The following CD6 variants were observed in gnomAD, a reference collection of about 807,000 sequenced individuals.
The protein encoded by CD6 is T-cell differentiation antigen CD6.
A neutral mutation model predicts 75.3 loss-of-function variants in CD6; 53 were observed. The ratio of observed to expected loss-of-function variants is 0.70; its 90% CI spans 0.56 to 0.88. The LOEUF (loss-of-function observed/expected upper bound fraction) is 0.88, where lower values mean the gene tolerates loss of function less well. Among genes scored for constraint, CD6 ranks in the 40% least tolerant of loss-of-function variants. The pLI, the probability that CD6 is intolerant of heterozygous loss-of-function variation, is 0.00. For synonymous variants in CD6, 359 were observed against 381.5 expected (o/e 0.94, Z 0.69); for missense variants, 770 against 897.1 (o/e 0.86, Z 1.81).
At chr11:60,989,063 G>A (rs772952035) in intron 1 of CD6, among the ~76,000 whole-genome samples, 19 of 152,180 alleles carry the variant, frequency 1.2e-4, no homozygotes, top group African/African-American at 3.6e-4. Context: ...GTGTTTGCTC[G>A]AGCTGTGCCC....
chr11:61,009,478 G>A (rs914463585), intron 4 of CD6, 94 bp from the exon 5 acceptor site: 7 of 1,125,082 alleles, frequency 6.2e-6, no homozygotes, highest in Non-Finnish European at 8.6e-6. Context: ...AGACCAAATG[G>A]CTGCATTGGT....
At chr11:61,015,650 C>A in intron 8 of CD6, 63 bp from the exon 9 acceptor site, 4 of 1,592,972 alleles carry the variant, frequency 2.5e-6, no homozygotes, top group Non-Finnish European at 3.4e-6. Context: ...CATACTCTAC[C>A]ATCCCTCCCT....
chr11:61,011,072 T>TC lies in CD6; in HGVS notation c.1090dup (p.Arg364ProfsTer64). 1.2e-6 allele frequency: 2 copies of TC among 1,614,042 alleles called. No homozygotes were observed. The highest frequency in any genetic ancestry group is 1.7e-6 in the Non-Finnish European group (2 of 1,179,958). Reference sequence around the variant, plus strand: ...GACTGGGCGGTGCTTTCTGACAGCTTCCCGGAGTTTGCACAATCTGTCCAC... The same window carrying TC: ...GACTGGGCGGTGCTTTCTGACAGCTTCCCCGGAGTTTGCACAATCTGTCCAC... On this transcript the variant is annotated frameshift_variant, in exon 6 of 13. Coordinates refer to ENST00000313421, the MANE Select transcript of CD6 (RefSeq NM_006725.5). LOFTEE classifies it high-confidence loss of function.
At chr11:61,016,825 G>C (rs1859426420) in intron 9 of CD6, 1 of 152,446 alleles carries the variant, frequency 6.6e-6, no homozygotes, top group Admixed American at 6.5e-5. Context: ...AGGGCTTCTG[G>C]GGGTGGGACA....
intron 1 of CD6, 106 bp from the exon 2 acceptor site, chr11:61,006,468 T>C: frequency 2.3e-6 from 2 of 888,562 alleles, no homozygotes; most frequent in Admixed American, 4.2e-5. Flanking sequence ...AAAGGCCTCA[T>C]GTAGCCACCA....
At chr11:61,018,101 C>T in intron 11 of CD6, 88 bp downstream of exon 11, 1 of 1,507,524 alleles carries the variant, frequency 6.6e-7, no homozygotes, top group South Asian at 1.2e-5. Context: ...AGGCTGAGGT[C>T]AGGATTCTAC....
At chr11:61,010,982 C>T (rs897708309) in intron 5 of CD6, 88 bp from the exon 6 acceptor site, 59 of 1,213,222 alleles carry the variant, frequency 4.9e-5, no homozygotes, top group Non-Finnish European at 5.6e-5. Flanking sequence ...GGTCACTTGT[C>T]TGTCCCATTC....
Position 61,017,546 on chromosome 11 carries a change from G to A in CD6, c.1578G>A (p.Glu526=), listed in dbSNP as rs1335469111. 5.1e-6 allele frequency: 8 copies of A among 1,556,472 alleles called. No individual in the cohort carries two copies. Among genetic ancestry groups the A allele is most frequent in the Non-Finnish European group, 7.0e-6 (8 of 1,149,620 alleles). The change falls in exon 10 of 13, where the codon GAG becomes GAA. Residue 526 remains glutamate (E), a synonymous_variant. Transcript: ENST00000313421. ...QQSRFQMPPL[E]EGLEELHASH... ...GCAGGTTCCAGATGCCACCCTTGGA[G>A]GAAGGTGAGTCAGGATGGGAAGGGG...
intron 1 of CD6, among the ~76,000 whole-genome samples, chr11:60,975,014 T>C (rs1857314620): frequency 6.6e-6 from 1 of 152,188 alleles, no homozygotes; most frequent in Non-Finnish European, 1.5e-5. Flanking sequence ...GGGCTGCCTT[T>C]GTGTATGAAA....
intron 2 of CD6, 116 bp downstream of exon 2, chr11:61,006,758 A>G: frequency 1.2e-6 from 1 of 808,540 alleles, no homozygotes; most frequent in Non-Finnish European, 2.1e-6. Flanking sequence ...GACTTCAGAC[A>G]ACACTTCTTC....
chr11:60,983,869 C>A (rs903279283), intron 1 of CD6, among the ~76,000 whole-genome samples: 3 of 152,160 alleles, frequency 2.0e-5, no homozygotes, highest in South Asian at 2.1e-4. Flanking sequence ...CTTTCTCTTT[C>A]ATGTCATTGA....
chr11:60,999,494 G>C (rs571945001), intron 1 of CD6, among the ~76,000 whole-genome samples: 1 of 151,666 alleles, frequency 6.6e-6, no homozygotes, highest in South Asian at 2.1e-4. Context: ...AACATGGCGG[G>C]GGGTGAGGAC....
chr11:60,984,794 G>T (rs1186026511), intron 1 of CD6, among the ~76,000 whole-genome samples: 1 of 152,234 alleles, frequency 6.6e-6, no homozygotes, highest in Non-Finnish European at 1.5e-5. Flanking sequence ...TCAGGGAGAG[G>T]ACATTCCCGT....
chr11:61,018,079 G>A (rs1405306702), intron 11 of CD6, 66 bp downstream of exon 11: 3 of 1,572,778 alleles, frequency 1.9e-6, no homozygotes, highest in Non-Finnish European at 2.6e-6. Flanking sequence ...ATAAAGCTGG[G>A]AGCCCTGAGT....
chr11:61,018,263 G>T, intron 11 of CD6, 26 bp from the exon 12 acceptor site: 1 of 1,549,494 alleles, frequency 6.5e-7, no homozygotes, highest in Non-Finnish European at 8.8e-7. Flanking sequence ...TGCTGGCAGA[G>T]GGTGACTGGT....
At chr11:61,013,874 AG>A (rs1859276050) in intron 7 of CD6, 44 bp from the exon 8 acceptor site, 1 of 1,394,068 alleles carries the variant, frequency 7.2e-7, no homozygotes, top group South Asian at 1.3e-5. Flanking sequence ...AGACTGGGAG[AG>A]GGCAAAAAAA....
At chr11:60,997,365 C>A (rs373433723) in intron 1 of CD6, among the ~76,000 whole-genome samples, 98 of 140,190 alleles carry the variant, frequency 7.0e-4, no homozygotes, top group African/African-American at 2.4e-3. Context: ...GGTGATAGGG[C>A]GAGACTCCGT....
In CD6 at chr11:61,019,924, C is replaced by T. The variant is rs1199088684; in HGVS notation, c.*606C>T. The T allele has an allele frequency of 5.1e-6, 2 of 389,078 alleles. No homozygotes were observed. The highest frequency in any genetic ancestry group is 7.3e-5 in the East Asian group (2 of 27,350). 24.1% of individuals were successfully genotyped at this position (389,078 alleles called of 1,614,324 possible). A position where few individuals can be genotyped will look rare whatever the true frequency, so the allele number is the denominator to read the frequency against. On this transcript the variant is annotated 3_prime_UTR_variant, in exon 13 of 13. Coordinates refer to ENST00000313421, the MANE Select transcript of CD6 (RefSeq NM_006725.5). ...AGCCTTCCTGGGCACAACTAGCTGA[C>T]AATGACAGGTTGACTGTGTACCCCC...
At chr11:61,012,468 A>G (rs568928662) in intron 6 of CD6, among the ~76,000 whole-genome samples, 1 of 152,184 alleles carries the variant, frequency 6.6e-6, no homozygotes, top group East Asian at 1.9e-4. Context: ...AAACTTCCCC[A>G]TTTGCAGACA....
Sources: allele counts gnomAD v4.1 joint callset (sites outside exome capture counted in the v4.1 genomes callset), GRCh38; gene constraint gnomAD v4.1.1; transcripts MANE v1.5; gene names NCBI Gene and HGNC (gene_info 2026-07-23, HGNC 2026-07-21).